RGS9: variants seen among roughly 807,000 people sequenced by gnomAD.
RGS9 encodes regulator of G protein signaling 9.
RGS9 carries 78 observed loss-of-function variants against 102.0 expected under a neutral mutation model. That is an observed-to-expected ratio of 0.76 (90% CI 0.64 to 0.92). The LOEUF (loss-of-function observed/expected upper bound fraction) is 0.92. Among genes scored for constraint, RGS9 ranks in the 40% least tolerant of loss-of-function variants. The probability of loss-of-function intolerance (pLI) is 0.00; values close to 1 mark genes in which losing one functional copy is unlikely to be tolerated. For missense variants in RGS9, 833 were observed against 866.1 expected (o/e 0.96, Z 0.48); for synonymous variants, 353 against 318.6 (o/e 1.11, Z -1.15).
At position 65,147,000 on chromosome 17, in the gene RGS9, C is replaced by A. The variant is rs906434565; in HGVS notation, c.58-6422C>A. ...GAGTCACTCCTGCAGCCTGTTGCCTCCTCAGTTCCCTGGGCCACCCCCAGG... is the reference window on the plus strand; with the variant it reads ...GAGTCACTCCTGCAGCCTGTTGCCTACTCAGTTCCCTGGGCCACCCCCAGG... On this transcript the variant is annotated intron_variant, in intron 1 of 18. Transcript: ENST00000262406. 2.6e-5 allele frequency among the ~76,000 whole-genome samples: 4 copies of A among 152,290 alleles called. No individual in the cohort carries two copies. In the South Asian group the frequency reaches 8.3e-4, roughly 32 times the overall value.
chr17:65,204,245 C>T lies in RGS9; in HGVS notation c.1147C>T (p.Pro383Ser), dbSNP rs941478688. Residue 383 changes from proline to serine, a missense_variant, in exon 15 of 19, where the codon CCC becomes TCC. Pro to Ser is a moderately conservative substitution (Grantham distance 74, BLOSUM62 -1). This residue lies in a region of RGS9 where 185 missense variants were observed against 248.7 expected (regional missense o/e 0.74). Transcript: ENST00000262406. ...MDITVKGLKH[P>S]HRYVLDAAQT... ...CATCACAGTGAAGGGGCTGAAGCAC[C>T]CCCACCGCTATGTGCTGGACGCCGC... 6.2e-7 allele frequency: 1 copy of T among 1,613,554 alleles called. No homozygotes were observed. The highest frequency in any genetic ancestry group is 8.5e-7 in the Non-Finnish European group (1 of 1,180,036).
intron 9 of RGS9, among the ~76,000 whole-genome samples, chr17:65,187,861 T>C (rs1029698240): frequency 7.2e-5 from 11 of 152,114 alleles, no homozygotes; most frequent in Non-Finnish European, 1.6e-4. Flanking sequence ...CTGGGCGTGG[T>C]GGTGTGTGCC....
intron 6 of RGS9, 108 bp downstream of exon 6, chr17:65,161,017 A>AT: frequency 6.7e-6 from 6 of 901,658 alleles, no homozygotes. Context: ...CCACATTCAT[A>AT]TGCAATCCAT....
chr17:65,207,915 C>A lies in RGS9; in HGVS notation c.1204-7C>A, dbSNP rs772170431. ...CATAATTACTGTTGTTTTCTTGTTC[C>A]CACTAGGATTCTTATGCTCGCTATT... On this transcript the variant is annotated splice_region_variant and splice_polypyrimidine_tract_variant and intron_variant, in intron 15 of 18. Coordinates refer to ENST00000262406, the MANE Select transcript of RGS9 (RefSeq NM_003835.4). The A allele has an allele frequency of 1.9e-6, 3 of 1,601,120 alleles. No individual in the cohort carries two copies. The highest frequency in any genetic ancestry group is 1.7e-6 in the Non-Finnish European group (2 of 1,169,078).
intron 17 of RGS9, among the ~76,000 whole-genome samples, chr17:65,218,867 T>C (rs1913603750): frequency 6.6e-6 from 1 of 152,262 alleles, no homozygotes; most frequent in Non-Finnish European, 1.5e-5. Context: ...TGCTAAGTGC[T>C]TGGGATCACC....
chr17:65,151,850 C>T (rs1340032825), intron 1 of RGS9, among the ~76,000 whole-genome samples: 1 of 152,140 alleles, frequency 6.6e-6, no homozygotes, highest in African/African-American at 2.4e-5. Flanking sequence ...TCTTCCTGGC[C>T]ACTGCCTCAT....
chr17:65,163,074 C>G lies in RGS9; in HGVS notation c.485C>G (p.Ala162Gly). ...NYKWDFVIMQ[A>G]KEQYRAGKER... is the part of the protein sequence containing the mutation. The stretch of plus-strand genomic sequence containing the variant: ...AAGTGGGACTTTGTCATTATGCAGG[C>G]CAAAGAGCAGTACAGGTGAGTGAAA... Residue 162 changes from alanine (A) to glycine (G), a missense_variant, in exon 7 of 19, where the codon GCC becomes GGC. Physicochemically the swap from Ala to Gly is moderately conservative, Grantham distance 60. This residue lies in a region of RGS9 where 328 missense variants were observed against 340.6 expected (regional missense o/e 0.96). Coordinates refer to ENST00000262406, the MANE Select transcript of RGS9 (RefSeq NM_003835.4). 6.3e-7 allele frequency: 1 copy of G among 1,599,034 alleles called. No individual in the cohort carries two copies. Among genetic ancestry groups the G allele is most frequent in the Non-Finnish European group, 8.6e-7 (1 of 1,167,894 alleles).
Position 65,225,140 on chromosome 17 carries a change from C to G in RGS9, c.1546C>G (p.Arg516Gly). The G allele has an allele frequency of 1.2e-6, 2 of 1,613,724 alleles. No individual in the cohort carries two copies. Among genetic ancestry groups the G allele is most frequent in the South Asian group, 2.2e-5 (2 of 91,080 alleles). ...PFASPSRFIR[R>G]PSTTICPSPI... ...CGCCTCACCCAGCCGCTTCATCCGG[C>G]GACCCAGCACCACCATCTGCCCCTC... Residue 516 changes from arginine to glycine, a missense_variant, in exon 18 of 19, where the codon CGA becomes GGA. This residue lies in a region of RGS9 where 320 missense variants were observed against 276.8 expected (regional missense o/e 1.16). Coordinates refer to ENST00000262406, the MANE Select transcript of RGS9 (RefSeq NM_003835.4).
chr17:65,207,741 A>G (rs1311346219), intron 15 of RGS9, among the ~76,000 whole-genome samples, 181 bp from the exon 16 acceptor site: 2 of 152,082 alleles, frequency 1.3e-5, no homozygotes, highest in Non-Finnish European at 2.9e-5. Flanking sequence ...ATGCTTCTGG[A>G]GGGGACCACA....
Position 65,147,587 on chromosome 17 carries a change from C to CTTTTTT in RGS9, c.58-5819_58-5814dup, listed in dbSNP as rs36062784. On this transcript the variant is annotated intron_variant, in intron 1 of 18. Transcript: ENST00000262406. ...GATCATTCTCTCTCTCTTTTAAAAA[C>CTTTTTT]TTTTTTTTTTTTTTTTTTTTTGAGA... is the stretch of plus-strand genomic sequence containing the variant. 6.6e-3 allele frequency among the ~76,000 whole-genome samples: 686 copies of CTTTTTT among 103,670 alleles called. 77 individuals are homozygous for CTTTTTT. The highest frequency in any genetic ancestry group is 0.03 in the African/African-American group (643 of 21,180). The allele number at this position is 103,670 out of a possible 152,430, so 68.0% of individuals were successfully genotyped here. A position where few individuals can be genotyped will look rare whatever the true frequency, so the allele number is the denominator to read the frequency against.
intron 2 of RGS9, among the ~76,000 whole-genome samples, chr17:65,154,189 C>T (rs1340833540): frequency 6.6e-6 from 1 of 152,094 alleles, no homozygotes; most frequent in African/African-American, 2.4e-5. Context: ...TGCCTGTAAT[C>T]CCAGCTACTC....
chr17:65,150,409 G>A (rs1268027811), intron 1 of RGS9, among the ~76,000 whole-genome samples: 1 of 152,104 alleles, frequency 6.6e-6, no homozygotes, highest in Non-Finnish European at 1.5e-5. Context: ...ATCATTTGAG[G>A]TCAGGAGTTC....
At chr17:65,183,552 C>T (rs1258969127) in intron 9 of RGS9, among the ~76,000 whole-genome samples, 1 of 152,212 alleles carries the variant, frequency 6.6e-6, no homozygotes, top group Non-Finnish European at 1.5e-5. Context: ...CTGCCTTGGC[C>T]TCCCAGGGTG....
intron 3 of RGS9, among the ~76,000 whole-genome samples, chr17:65,159,956 C>T (rs896372355): frequency 2.0e-5 from 3 of 152,212 alleles, no homozygotes; most frequent in Admixed American, 6.5e-5. Context: ...CAGCAGACCA[C>T]GTGTGGTTTC....
At chr17:65,179,815 C>T (rs1911793389) in intron 9 of RGS9, among the ~76,000 whole-genome samples, 1 of 152,092 alleles carries the variant, frequency 6.6e-6, no homozygotes, top group Admixed American at 6.6e-5. Context: ...CATCTTTGTG[C>T]TCCTTGGCCT....
intron 13 of RGS9, among the ~76,000 whole-genome samples, chr17:65,200,244 C>A (rs911510450): frequency 6.6e-6 from 1 of 152,072 alleles, no homozygotes; most frequent in Non-Finnish European, 1.5e-5. Context: ...GTTTGTCAGG[C>A]TGGTCTCGAA....
chr17:65,206,868 C>A (rs1913082818), intron 15 of RGS9, among the ~76,000 whole-genome samples: 1 of 152,132 alleles, frequency 6.6e-6, no homozygotes, highest in Admixed American at 6.5e-5. Flanking sequence ...TCAACGTATC[C>A]CAGTGGCTCC....
At chr17:65,187,309 C>G (rs1052318325) in intron 9 of RGS9, among the ~76,000 whole-genome samples, 1 of 152,056 alleles carries the variant, frequency 6.6e-6, no homozygotes, top group Non-Finnish European at 1.5e-5. Flanking sequence ...AAGAGTCACA[C>G]AAATAAGGAT....
chr17:65,150,194 G>C (rs1227748697), intron 1 of RGS9, among the ~76,000 whole-genome samples: 1 of 152,166 alleles, frequency 6.6e-6, no homozygotes, highest in African/African-American at 2.4e-5. Flanking sequence ...GCCAGGTGAA[G>C]GCAGGAAAGG....
Sources: allele counts gnomAD v4.1 joint callset (sites outside exome capture counted in the v4.1 genomes callset), GRCh38; gene constraint gnomAD v4.1.1; regional missense constraint gnomAD v4.1.1; transcripts MANE v1.5; gene names NCBI Gene and HGNC (gene_info 2026-07-23, HGNC 2026-07-21).